The following GOLIM4 variants were observed in gnomAD, a reference collection of about 807,000 sequenced individuals.
GOLIM4 encodes the protein golgi integral membrane protein 4.
Under a neutral mutation model 107.4 loss-of-function variants are expected in GOLIM4, and 71 were observed. The ratio of observed to expected loss-of-function variants is 0.66; its 90% CI spans 0.55 to 0.81. The LOEUF is 0.81. Among genes scored for constraint, GOLIM4 ranks in the 30% least tolerant of loss-of-function variants. The probability of loss-of-function intolerance (pLI) is 0.00; values close to 1 mark genes in which losing one functional copy is unlikely to be tolerated. For missense variants in GOLIM4, 830 were observed against 826.1 expected (o/e 1.00, Z -0.06); for synonymous variants, 327 against 294.8 (o/e 1.11, Z -1.12).
intron 10 of GOLIM4, 96 bp downstream of exon 10, chr3:168,029,684 A>T: frequency 7.0e-7 from 1 of 1,427,930 alleles, no homozygotes; most frequent in Non-Finnish European, 9.6e-7. Flanking sequence ...TGAGCCCCTT[A>T]ACTTCATGAA....
At chr3:168,044,688 C>A (rs1385503931) in intron 4 of GOLIM4, 140 bp downstream of exon 4, 3 of 589,216 alleles carry the variant, frequency 5.1e-6, no homozygotes, top group Non-Finnish European at 9.0e-6. Flanking sequence ...AATTTTTAGC[C>A]AAATAAGATT....
intron 1 of GOLIM4, among the ~76,000 whole-genome samples, chr3:168,078,062 T>C (rs1156717648): frequency 6.6e-6 from 1 of 152,080 alleles, no homozygotes; most frequent in Non-Finnish European, 1.5e-5. Context: ...AGTATGAATC[T>C]TGAATTTAAA....
At chr3:168,053,850 T>C (rs976979512) in intron 1 of GOLIM4, among the ~76,000 whole-genome samples, 1 of 152,094 alleles carries the variant, frequency 6.6e-6, no homozygotes, top group African/African-American at 2.4e-5. Context: ...TTACAAGAAG[T>C]CTAAGACAGA....
At chr3:168,034,014 C>T (rs1718500527) in intron 8 of GOLIM4, among the ~76,000 whole-genome samples, 1 of 152,038 alleles carries the variant, frequency 6.6e-6, no homozygotes, top group African/African-American at 2.4e-5. Context: ...ACTGCTCTCC[C>T]AAAATTGAAA....
chr3:168,071,243 G>T (rs927765042), intron 1 of GOLIM4, among the ~76,000 whole-genome samples: 2 of 152,178 alleles, frequency 1.3e-5, no homozygotes, highest in African/African-American at 2.4e-5. Context: ...TTGCATTCAA[G>T]TTCCTTCTAT....
chr3:168,031,662 G>A (rs9845039), intron 9 of GOLIM4, among the ~76,000 whole-genome samples: 1 of 152,122 alleles, frequency 6.6e-6, no homozygotes, highest in South Asian at 2.1e-4. Context: ...CTGAGGTTAA[G>A]TTTGCAACTA....
rs184385312 is a variant in GOLIM4 at position 168,070,368 on chromosome 3, G to A, written c.188-22003C>T. Among the ~76,000 whole-genome samples the A allele has an allele frequency of 3.3e-5, 5 of 152,316 alleles. No homozygotes were observed. The South Asian group carries it at 8.3e-4, about 25-fold the overall frequency. On this transcript the variant is annotated intron_variant, in intron 1 of 15. Transcript: ENST00000470487. ...AGATTGCACCACTGCACTCCAGCCT[G>A]GGCAACAGAGCGAGACTCCGTCTCA...
At chr3:168,023,703 T>C (rs577842661) in intron 14 of GOLIM4, among the ~76,000 whole-genome samples, 1 of 152,346 alleles carries the variant, frequency 6.6e-6, no homozygotes, top group African/African-American at 2.4e-5. Flanking sequence ...AACTACTTAC[T>C]GGTCCATAAT....
At chr3:168,071,025 G>T (rs564983724) in intron 1 of GOLIM4, among the ~76,000 whole-genome samples, 9 of 152,256 alleles carry the variant, frequency 5.9e-5, no homozygotes, top group African/African-American at 1.7e-4. Context: ...CAGTCAAACT[G>T]GACCCAGAGA....
rs1722112823 is a variant in GOLIM4, at chr3:168,095,171, G to C, written c.115C>G (p.Gln39Glu). The C allele has an allele frequency of 1.2e-6, 2 of 1,612,964 alleles. No homozygotes were observed. Among genetic ancestry groups the C allele is most frequent in the Non-Finnish European group, 8.5e-7 (1 of 1,179,352 alleles). ...GAMLYYELQT[Q>E]LRKAEAVALK... ...GCCACCGCCTCGGCTTTCCGCAGCT[G>C]CGTCTGCAGCTCGTAGTAGAGCATC... is the stretch of plus-strand genomic sequence containing the variant. The change falls in exon 1 of 16, where the codon CAG becomes GAG. Residue 39 changes from glutamine (Q) to glutamate (E), a missense_variant. Coordinates refer to ENST00000470487, the MANE Select transcript of GOLIM4 (RefSeq NM_014498.5).
At chr3:168,072,184 G>C (rs1298302378) in intron 1 of GOLIM4, among the ~76,000 whole-genome samples, 1 of 152,122 alleles carries the variant, frequency 6.6e-6, no homozygotes, top group Admixed American at 6.5e-5. Context: ...GATATACTGT[G>C]ACATTTCTAT....
chr3:168,033,640 A>AAAAAAT (rs1718472210), intron 8 of GOLIM4, among the ~76,000 whole-genome samples: 1 of 138,260 alleles, frequency 7.2e-6, no homozygotes, highest in Admixed American at 7.1e-5. Flanking sequence ...AAAAAAAAAA[A>AAAAAAT]AGAATGCCAT....
At chr3:168,020,750 C>T (rs116839908) in intron 14 of GOLIM4, among the ~76,000 whole-genome samples, 2,703 of 152,248 alleles carry the variant, frequency 0.018, 79 homozygotes, top group African/African-American at 0.062. Context: ...GTTAAATACA[C>T]ATTATTATTC....
At chr3:168,090,936 G>C (rs930507844) in intron 1 of GOLIM4, among the ~76,000 whole-genome samples, 2 of 152,196 alleles carry the variant, frequency 1.3e-5, no homozygotes, top group African/African-American at 2.4e-5. Flanking sequence ...GTCGAAGATA[G>C]CATGTTCTCA....
At chr3:168,052,497 A>G (rs568466097) in intron 1 of GOLIM4, among the ~76,000 whole-genome samples, 40 of 152,152 alleles carry the variant, frequency 2.6e-4, no homozygotes, top group African/African-American at 9.4e-4. Flanking sequence ...AATTTCTTTA[A>G]ATAAAAGAAA....
At chr3:168,056,736 A>G (rs532256579) in intron 1 of GOLIM4, among the ~76,000 whole-genome samples, 31 of 152,320 alleles carry the variant, frequency 2.0e-4, no homozygotes, top group African/African-American at 7.2e-4. Flanking sequence ...TGTTTTGGCC[A>G]ATTTCTCCTA....
chr3:168,048,859 T>TA (rs1719465985), intron 1 of GOLIM4, among the ~76,000 whole-genome samples: 1 of 152,116 alleles, frequency 6.6e-6, no homozygotes, highest in African/African-American at 2.4e-5. Flanking sequence ...CCTGGATCCA[T>TA]AAGGAGACCT....
In GOLIM4 at chr3:168,075,286, GTTT is replaced by G. The variant is rs374374393; in HGVS notation, c.187+19810_187+19812del. Reference sequence around the variant, plus strand: ...ACTGGTAATTGGCGGACATTCACTAGTTTTTTTTTTTTTTTTTTTTTTTTTTTT... The same window carrying G: ...ACTGGTAATTGGCGGACATTCACTAGTTTTTTTTTTTTTTTTTTTTTTTTT... On this transcript the variant is annotated intron_variant, in intron 1 of 15. Coordinates refer to ENST00000470487, the MANE Select transcript of GOLIM4 (RefSeq NM_014498.5). Among the ~76,000 whole-genome samples, 279 of 94,202 alleles carry G rather than the reference GTTT, an allele frequency of 3.0e-3. 2 individuals carry two copies. The highest frequency in any genetic ancestry group is 0.011 in the African/African-American group (267 of 23,256). The allele number at this position is 94,202 out of a possible 152,430, so 61.8% of individuals were successfully genotyped here.
intron 1 of GOLIM4, among the ~76,000 whole-genome samples, chr3:168,064,062 T>G (rs1343932044): frequency 6.6e-6 from 1 of 152,168 alleles, no homozygotes; most frequent in Non-Finnish European, 1.5e-5. Context: ...TCACCCAAGA[T>G]GGTAAAGGTG....
Sources: gnomAD v4.1 joint callset for allele counts (sites outside exome capture counted in the v4.1 genomes callset) on GRCh38, gnomAD v4.1.1 for gene constraint, MANE v1.5 for transcripts, NCBI Gene and HGNC (gene_info 2026-07-23, HGNC 2026-07-21) for gene names.